Variants in PPFIBP1 observed in about 807,000 individuals in gnomAD.
PPFIBP1 encodes liprin-beta-1.
A neutral mutation model predicts 137.8 loss-of-function variants in PPFIBP1; 112 were observed. The ratio of observed to expected loss-of-function variants is 0.81; its 90% CI spans 0.70 to 0.95. PPFIBP1 has a LOEUF of 0.95. Ranked by LOEUF, PPFIBP1 falls within the 40% of genes least tolerant of loss-of-function variation. The pLI is 0.00. For missense variants in PPFIBP1, 1,083 were observed against 1,196.6 expected (o/e 0.91, Z 1.40); for synonymous variants, 378 against 417.3 (o/e 0.91, Z 1.15).
At chr12:27,674,325 A>T (rs1303284520) in intron 17 of PPFIBP1, 104 bp downstream of exon 17, 10 of 732,974 alleles carry the variant, frequency 1.4e-5, no homozygotes. Flanking sequence ...CCTCTAGAAC[A>T]TTATGCTAAA....
intron 1 of PPFIBP1, among the ~76,000 whole-genome samples, chr12:27,532,956 G>A (rs1565715828): frequency 6.6e-6 from 1 of 152,112 alleles, no homozygotes; most frequent in Non-Finnish European, 1.5e-5. Context: ...ATGGGCAAGG[G>A]GAGGGAGAAG....
intron 6 of PPFIBP1, 97 bp from the exon 7 acceptor site, chr12:27,649,913 C>A: frequency 2.6e-6 from 3 of 1,135,782 alleles, no homozygotes; most frequent in Non-Finnish European, 3.7e-6. Context: ...ATATCCTCTA[C>A]TTGATAGGTG....
rs777913505 is a variant in PPFIBP1 at position 27,691,719 on chromosome 12, T to A, written c.2686-30T>A. On this transcript the variant is annotated intron_variant, in intron 27 of 29. Coordinates refer to ENST00000228425, the MANE Select transcript of PPFIBP1 (RefSeq NM_003622.4). ...ATTATATGAATTTTATCAAATCCTT[T>A]GGATGTTTTTGTTTGCTTTTCTTTT... 2.5e-6 allele frequency: 4 copies of A among 1,578,610 alleles called. No individual in the cohort carries two copies. The African/African-American group carries it at 5.4e-5, about 21-fold the overall frequency.
rs534079061 is a variant in PPFIBP1 at position 27,598,940 on chromosome 12, C to A, written c.-36+20701C>A. Among the ~76,000 whole-genome samples the A allele has an allele frequency of 9.7e-4, 147 of 152,230 alleles. 1 individual carries two copies. The South Asian group carries it at 0.013, about 13-fold the overall frequency. Reference sequence around the variant, plus strand: ...TGAAGCAAGATCAACTGTAATAAAGCTTCTTGAAGTTTTAGAAATGATAGT... The same window carrying A: ...TGAAGCAAGATCAACTGTAATAAAGATTCTTGAAGTTTTAGAAATGATAGT... On this transcript the variant is annotated intron_variant, in intron 2 of 29. Transcript: ENST00000228425.
intron 1 of PPFIBP1, among the ~76,000 whole-genome samples, chr12:27,561,383 AG>A (rs1470590162): frequency 6.6e-6 from 1 of 152,202 alleles, no homozygotes; most frequent in Non-Finnish European, 1.5e-5. Flanking sequence ...AGTCCAGTAA[AG>A]GAAGCTCCAA....
At chr12:27,573,903 G>A (rs2050341706) in intron 1 of PPFIBP1, among the ~76,000 whole-genome samples, 1 of 151,666 alleles carries the variant, frequency 6.6e-6, no homozygotes, top group South Asian at 2.1e-4. Context: ...GATTGCTGGA[G>A]CCCAGGCTTT....
intron 25 of PPFIBP1, 96 bp from the exon 26 acceptor site, chr12:27,688,202 T>G: frequency 2.3e-6 from 3 of 1,321,792 alleles, no homozygotes; most frequent in Non-Finnish European, 2.1e-6. Context: ...TCTTTTTGCA[T>G]TTAGTGGGTT....
intron 2 of PPFIBP1, chr12:27,592,728 G>T: frequency 9.3e-7 from 1 of 1,074,210 alleles, no homozygotes; most frequent in Non-Finnish European, 1.4e-6. Flanking sequence ...TCCTTTGGCT[G>T]GCAGTTGCCT....
chr12:27,548,078 A>G (rs1946403550), intron 1 of PPFIBP1: 1 of 152,230 alleles, frequency 6.6e-6, no homozygotes, highest in Non-Finnish European at 1.5e-5. Context: ...TATTAAATAA[A>G]CAGATCTCCA....
chr12:27,592,688 C>G, intron 2 of PPFIBP1: 8 of 1,395,042 alleles, frequency 5.7e-6, no homozygotes, highest in Non-Finnish European at 8.1e-6. Flanking sequence ...TCCGGCTGCT[C>G]TGACAGGATT....
chr12:27,610,266 A>C (rs2054957986), intron 2 of PPFIBP1, among the ~76,000 whole-genome samples: 6 of 152,194 alleles, frequency 3.9e-5, no homozygotes, highest in Admixed American at 3.9e-4. Context: ...ATTAATATGA[A>C]AAGCTTTTAC....
At chr12:27,665,368 G>A (rs2059799172) in intron 12 of PPFIBP1, among the ~76,000 whole-genome samples, 1 of 152,132 alleles carries the variant, frequency 6.6e-6, no homozygotes. Flanking sequence ...GATAGAGGAG[G>A]AGAGTGAAGA....
chr12:27,619,385 AT>A (rs908992204), intron 2 of PPFIBP1, among the ~76,000 whole-genome samples: 10 of 151,472 alleles, frequency 6.6e-5, no homozygotes, highest in Non-Finnish European at 7.4e-5. Flanking sequence ...TCACAGACAC[AT>A]TTTTTTTTCA....
At chr12:27,556,468 G>C (rs1433759106) in intron 1 of PPFIBP1, among the ~76,000 whole-genome samples, 1 of 152,176 alleles carries the variant, frequency 6.6e-6, no homozygotes, top group Non-Finnish European at 1.5e-5. Flanking sequence ...TGTGGACTTA[G>C]CTTGCGTTGT....
At chr12:27,658,069 C>T (rs996599084) in intron 9 of PPFIBP1, among the ~76,000 whole-genome samples, 3 of 147,404 alleles carry the variant, frequency 2.0e-5, no homozygotes, top group Non-Finnish European at 3.0e-5. Context: ...CCCAGGAGTT[C>T]GAGGCTGTAG....
intron 15 of PPFIBP1, 73 bp downstream of exon 15, chr12:27,672,556 TACTAATATTAACAGCAA>T: frequency 9.0e-7 from 1 of 1,108,872 alleles, no homozygotes; most frequent in Non-Finnish European, 1.3e-6. Flanking sequence ...TACTAACAAT[TACTAATATTAACAGCAA>T]ATGACCGAGG....
intron 1 of PPFIBP1, among the ~76,000 whole-genome samples, chr12:27,526,606 C>T (rs567336686): frequency 7.2e-5 from 11 of 151,920 alleles, no homozygotes; most frequent in Non-Finnish European, 1.2e-4. Context: ...GGCTGAGGCA[C>T]GCAGATCACC....
intron 1 of PPFIBP1, among the ~76,000 whole-genome samples, chr12:27,526,712 G>T (rs1251229025): frequency 6.6e-6 from 1 of 152,112 alleles, no homozygotes; most frequent in Non-Finnish European, 1.5e-5. Flanking sequence ...GTGGGCACCT[G>T]TAATCTCAGC....
chr12:27,691,003 A>AC (rs2061500462), intron 27 of PPFIBP1, among the ~76,000 whole-genome samples: 1 of 149,790 alleles, frequency 6.7e-6, no homozygotes. Context: ...GTTCTTTTTA[A>AC]TTTTTTTTTA....
Sources: allele counts gnomAD v4.1 joint callset (sites outside exome capture counted in the v4.1 genomes callset), GRCh38; gene constraint gnomAD v4.1.1; transcripts MANE v1.5; gene names NCBI Gene and HGNC (gene_info 2026-07-23, HGNC 2026-07-21).